Variants in ADAMTS12 observed in about 807,000 individuals in gnomAD.
ADAMTS12 encodes ADAM metallopeptidase with thrombospondin type 1 motif 12, also known as A disintegrin and metalloproteinase with thrombospondin motifs 12.
ADAMTS12 carries 118 observed loss-of-function variants against 167.8 expected under a neutral mutation model. That is an observed-to-expected ratio of 0.70 (90% confidence interval 0.61 to 0.82). The LOEUF (loss-of-function observed/expected upper bound fraction) is 0.82, where lower values mean the gene tolerates loss of function less well. Ranked by LOEUF, ADAMTS12 falls within the 40% of genes least tolerant of loss-of-function variation. The probability of loss-of-function intolerance (pLI) is 0.00; values close to 1 mark genes in which losing one functional copy is unlikely to be tolerated. For missense variants in ADAMTS12, 1,916 were observed against 1,998.8 expected (o/e 0.96, Z 0.79); for synonymous variants, 704 against 716.9 (o/e 0.98, Z 0.29).
intron 2 of ADAMTS12, among the ~76,000 whole-genome samples, chr5:33,792,197 C>T (rs1415862610): frequency 1.3e-5 from 2 of 152,010 alleles, no homozygotes; most frequent in African/African-American, 4.8e-5. Context: ...GACTTCAACA[C>T]GTTAGCCAGG....
In ADAMTS12 at chr5:33,534,976, C is replaced by T. The variant is rs1480977925; in HGVS notation, c.4463G>A (p.Gly1488Glu). Reference protein sequence around the residue: ...GNWDLCSTSCGGGFQKRTVQC... With the variant: ...GNWDLCSTSCEGGFQKRTVQC... ...GACAGTCCTCTTCTGAAAGCCACCT[C>T]CACAGGAAGTGGAACACTGAAAGAG... Residue 1488 changes from glycine to glutamate, a missense_variant, in exon 23 of 24, where the codon GGA becomes GAA. Gly to Glu is a moderately conservative substitution (Grantham distance 98). Coordinates refer to ENST00000504830, the MANE Select transcript of ADAMTS12 (RefSeq NM_030955.4). 2 of 1,607,402 alleles carry T rather than the reference C, an allele frequency of 1.2e-6. No homozygotes were observed. Among genetic ancestry groups the T allele is most frequent in the East Asian group, 2.2e-5 (1 of 44,700 alleles).
At chr5:33,781,470 C>T (rs1399924449) in intron 2 of ADAMTS12, among the ~76,000 whole-genome samples, 2 of 152,076 alleles carry the variant, frequency 1.3e-5, no homozygotes, top group Admixed American at 1.3e-4. Flanking sequence ...TTGAGGATGG[C>T]CATGTGACCA....
chr5:33,752,190 G>A (rs1450981124), intron 2 of ADAMTS12, among the ~76,000 whole-genome samples: 2 of 152,220 alleles, frequency 1.3e-5, no homozygotes, highest in African/African-American at 4.8e-5. Context: ...ACTGGCCAAT[G>A]AGTAACTCCT....
Position 33,561,045 on chromosome 5 carries a change from T to C in ADAMTS12, c.4107A>G (p.Lys1369=), listed in dbSNP as rs1579667461. The C allele has an allele frequency of 1.2e-6, 2 of 1,614,162 alleles. No individual in the cohort carries two copies. Among genetic ancestry groups the C allele is most frequent in the East Asian group, 4.5e-5 (2 of 44,888 alleles). The part of the protein sequence containing the change: ...RCHLRPCAGW[K]VGNWSKCSRN... ...AAGTTACCTTGCTCCAGTTTCCCAC[T>C]TTCCAGCCAGCACAGGGACGGAGGT... The change falls in exon 20 of 24, where the codon AAA becomes AAG. Residue 1369 remains lysine, a synonymous_variant. Coordinates refer to ENST00000504830, the MANE Select transcript of ADAMTS12 (RefSeq NM_030955.4).
intron 7 of ADAMTS12, among the ~76,000 whole-genome samples, 196 bp from the exon 8 acceptor site, chr5:33,649,893 G>T (rs958455713): frequency 1.3e-5 from 2 of 152,186 alleles, no homozygotes; most frequent in African/African-American, 2.4e-5. Context: ...AGCATTGTAG[G>T]CATGCTTTAC....
At chr5:33,569,725 A>C (rs1292355878) in intron 19 of ADAMTS12, among the ~76,000 whole-genome samples, 1 of 152,256 alleles carries the variant, frequency 6.6e-6, no homozygotes, top group Non-Finnish European at 1.5e-5. Flanking sequence ...CCTCACCAGC[A>C]ATGGAACAAA....
Position 33,648,868 on chromosome 5 carries a change from C to T in ADAMTS12, c.1433G>A (p.Cys478Tyr). 6.2e-7 allele frequency: 1 copy of T among 1,614,052 alleles called. No individual in the cohort carries two copies. The highest frequency in any genetic ancestry group is 8.5e-7 in the Non-Finnish European group (1 of 1,179,966). The change falls in exon 9 of 24, where the codon TGC (cysteine) becomes TAC (tyrosine). Residue 478 changes from cysteine to tyrosine, a missense_variant. Cys to Tyr is a radical substitution (Grantham distance 194, BLOSUM62 -2). Coordinates refer to ENST00000504830, the MANE Select transcript of ADAMTS12 (RefSeq NM_030955.4). ...PGVIYDVHHQCQLQYGPNATF... is the reference protein window; with the variant it reads ...PGVIYDVHHQYQLQYGPNATF... ...AGCATTGGGTCCATATTGTAGCTGG[C>T]ACTGGTGGTGAACATCATAGATCAC... is the stretch of plus-strand genomic sequence containing the variant.
At chr5:33,541,217 G>A (rs2111786460) in intron 22 of ADAMTS12, among the ~76,000 whole-genome samples, 1 of 152,254 alleles carries the variant, frequency 6.6e-6, no homozygotes, top group South Asian at 2.1e-4. Context: ...ATTCAATCAA[G>A]TGGAAGAAAA....
intron 23 of ADAMTS12, among the ~76,000 whole-genome samples, chr5:33,532,360 G>A (rs1255616658): frequency 1.3e-5 from 2 of 151,844 alleles, no homozygotes; most frequent in Non-Finnish European, 1.5e-5. Flanking sequence ...ATAATATTTT[G>A]TTGAATAAGT....
intron 2 of ADAMTS12, among the ~76,000 whole-genome samples, chr5:33,849,286 T>C (rs1236536707): frequency 1.6e-5 from 2 of 125,932 alleles, no homozygotes; most frequent in Non-Finnish European, 1.7e-5. Context: ...TATATATGTA[T>C]TGCATAGCAA....
In ADAMTS12 at chr5:33,733,447, T is replaced by G. The variant is rs184593532; in HGVS notation, c.634+17957A>C. Among the ~76,000 whole-genome samples, 4 of 152,306 alleles carry G rather than the reference T, an allele frequency of 2.6e-5. No individual in the cohort carries two copies. The East Asian group carries it at 7.7e-4, about 29-fold the overall frequency. On this transcript the variant is annotated intron_variant, in intron 3 of 23. Transcript: ENST00000504830. ...TTTCTCATCTGTGAAATGGGGATAATAACAGCCTCTAATCATAAGACAGCC... is the reference window on the plus strand; with the variant it reads ...TTTCTCATCTGTGAAATGGGGATAAGAACAGCCTCTAATCATAAGACAGCC...
intron 19 of ADAMTS12, among the ~76,000 whole-genome samples, chr5:33,573,397 CAG>C (rs1746496515): frequency 6.6e-6 from 1 of 152,174 alleles, no homozygotes; most frequent in Non-Finnish European, 1.5e-5. Flanking sequence ...GGTACCAAAA[CAG>C]AGACATAGAT....
chr5:33,652,806 G>A (rs1325537972), intron 7 of ADAMTS12, among the ~76,000 whole-genome samples: 1 of 152,086 alleles, frequency 6.6e-6, no homozygotes, highest in African/African-American at 2.4e-5. Flanking sequence ...TGAGAGATAG[G>A]GGTCCAGTTT....
intron 2 of ADAMTS12, among the ~76,000 whole-genome samples, chr5:33,871,656 T>C (rs1750041017): frequency 6.6e-6 from 1 of 151,860 alleles, no homozygotes; most frequent in Non-Finnish European, 1.5e-5. Flanking sequence ...CTCAATGCAG[T>C]TAAAGATAGA....
chr5:33,839,736 A>C (rs1237474659), intron 2 of ADAMTS12, among the ~76,000 whole-genome samples: 1 of 152,106 alleles, frequency 6.6e-6, no homozygotes, highest in African/African-American at 2.4e-5. Flanking sequence ...TGCCCTGCCC[A>C]CTCAAAAAGG....
At position 33,837,644 on chromosome 5, in the gene ADAMTS12, G is replaced by T. The variant is rs535878611; in HGVS notation, c.489+43475C>A. On this transcript the variant is annotated intron_variant, in intron 2 of 23. Transcript: ENST00000504830. ...TTCCTAGCATCTGCATGGTTCTTTT[G>T]GTTGGTCCTTCTTGAAGTGCATGAT... Among the ~76,000 whole-genome samples the T allele has an allele frequency of 5.3e-5, 8 of 152,256 alleles. No homozygotes were observed. The East Asian group carries it at 1.5e-3, about 29-fold the overall frequency.
intron 20 of ADAMTS12, among the ~76,000 whole-genome samples, chr5:33,554,807 A>G (rs1005034958): frequency 1.3e-5 from 2 of 152,198 alleles, no homozygotes; most frequent in South Asian, 4.1e-4. Context: ...TGGAGACAAG[A>G]ACTAGAATAA....
At chr5:33,611,407 G>A (rs1472702017) in intron 16 of ADAMTS12, among the ~76,000 whole-genome samples, 1 of 151,426 alleles carries the variant, frequency 6.6e-6, no homozygotes, top group Non-Finnish European at 1.5e-5. Flanking sequence ...TGAGTGGTTA[G>A]TACAAAGGAA....
At chr5:33,824,021 C>T (rs1460289778) in intron 2 of ADAMTS12, among the ~76,000 whole-genome samples, 1 of 152,068 alleles carries the variant, frequency 6.6e-6, no homozygotes, top group Non-Finnish European at 1.5e-5. Flanking sequence ...TTATATACCC[C>T]AATAAAGCTT....
Sources: gnomAD v4.1 joint callset for allele counts (sites outside exome capture counted in the v4.1 genomes callset) on GRCh38, gnomAD v4.1.1 for gene constraint, MANE v1.5 for transcripts, NCBI Gene and HGNC (gene_info 2026-07-23, HGNC 2026-07-21) for gene names.